Variants in ZNF804B observed in about 807,000 individuals in gnomAD.
ZNF804B encodes the protein zinc finger protein 804B, also known as zinc finger 804B.
A neutral mutation model predicts 101.4 loss-of-function variants in ZNF804B; 80 were observed. That is an observed-to-expected ratio of 0.79 (90% CI 0.66 to 0.95). The LOEUF (loss-of-function observed/expected upper bound fraction) is 0.95, where lower values mean the gene tolerates loss of function less well. Ranked by LOEUF, ZNF804B falls within the 40% of genes least tolerant of loss-of-function variation. The pLI, the probability that ZNF804B is intolerant of heterozygous loss-of-function variation, is 0.00. For missense variants in ZNF804B, 1,673 were observed against 1,561.9 expected, an observed-to-expected ratio of 1.07 and a Z score of -1.20; for synonymous variants, 622 against 558.8, an observed-to-expected ratio of 1.11 and a Z score of -1.59.
intron 1 of ZNF804B, among the ~76,000 whole-genome samples, chr7:89,205,989 T>C (rs1227783058): frequency 6.6e-6 from 1 of 152,170 alleles, no homozygotes; most frequent in African/African-American, 2.4e-5. Context: ...GGTTCCCAAA[T>C]CTCAATTCTT....
At chr7:88,817,239 G>A (rs1790896303) in intron 1 of ZNF804B, among the ~76,000 whole-genome samples, 1 of 152,150 alleles carries the variant, frequency 6.6e-6, no homozygotes, top group African/African-American at 2.4e-5. Context: ...TGTGGGATGG[G>A]GGGATGGGGG....
chr7:89,109,743 G>A (rs954372521), intron 1 of ZNF804B, among the ~76,000 whole-genome samples: 1 of 151,986 alleles, frequency 6.6e-6, no homozygotes, highest in African/African-American at 2.4e-5. Context: ...AAAATCAGTA[G>A]CACCTCTGAC....
chr7:88,834,232 A>G (rs1215028391), intron 1 of ZNF804B, among the ~76,000 whole-genome samples: 2 of 151,884 alleles, frequency 1.3e-5, no homozygotes, highest in African/African-American at 4.8e-5. Flanking sequence ...ATTTTAACCA[A>G]ATGTAATAAT....
intron 1 of ZNF804B, among the ~76,000 whole-genome samples, chr7:88,989,411 G>A (rs975382579): frequency 1.1e-4 from 17 of 152,030 alleles, no homozygotes; most frequent in Non-Finnish European, 2.4e-4. Context: ...AGCCACGTTG[G>A]CATCTTTGCA....
At chr7:89,233,278 G>A (rs1309810066) in intron 2 of ZNF804B, among the ~76,000 whole-genome samples, 3 of 152,154 alleles carry the variant, frequency 2.0e-5, no homozygotes, top group Admixed American at 2.0e-4. Flanking sequence ...TGAACCCTTA[G>A]AGTAACTGTT....
At chr7:89,113,348 C>T (rs1369649739) in intron 1 of ZNF804B, among the ~76,000 whole-genome samples, 1 of 151,962 alleles carries the variant, frequency 6.6e-6, no homozygotes, top group East Asian at 1.9e-4. Flanking sequence ...TGTAATAAAC[C>T]TGAACCTAAA....
intron 2 of ZNF804B, among the ~76,000 whole-genome samples, chr7:89,259,990 T>C (rs1789686514): frequency 7.2e-6 from 1 of 138,596 alleles, no homozygotes; most frequent in Admixed American, 7.2e-5. Flanking sequence ...GTCAAAAAAA[T>C]AAAAAGAGAG....
In ZNF804B at chr7:89,090,443, A is replaced by C. The variant is rs1789866397; in HGVS notation, c.109-127712A>C. Among the ~76,000 whole-genome samples the C allele has an allele frequency of 2.6e-5, 4 of 152,088 alleles. No individual in the cohort carries two copies. The South Asian group carries it at 8.3e-4, about 31-fold the overall frequency. On this transcript the variant is annotated intron_variant, in intron 1 of 3. Coordinates refer to ENST00000333190, the MANE Select transcript of ZNF804B (RefSeq NM_181646.5). ...TAGTTAGTTCCTCTTTATCTCCTAA[A>C]TAAATAGTACAATGTTTGGCACAAA...
chr7:89,234,141 G>C (rs912899110), intron 2 of ZNF804B, among the ~76,000 whole-genome samples: 1 of 152,132 alleles, frequency 6.6e-6, no homozygotes, highest in Admixed American at 6.5e-5. Flanking sequence ...TCCAAGATAA[G>C]CCTAGCTAAT....
intron 2 of ZNF804B, among the ~76,000 whole-genome samples, chr7:89,242,923 G>A (rs950328042): frequency 1.3e-5 from 2 of 151,754 alleles, no homozygotes. Flanking sequence ...AGGAAAACTA[G>A]TCTTCCAAAA....
chr7:89,038,350 A>G (rs1447613584), intron 1 of ZNF804B, among the ~76,000 whole-genome samples: 2 of 152,158 alleles, frequency 1.3e-5, no homozygotes, highest in Non-Finnish European at 2.9e-5. Flanking sequence ...TTTGATAAAA[A>G]ACATCAAAAC....
At chr7:88,991,792 C>T (rs1253728267) in intron 1 of ZNF804B, among the ~76,000 whole-genome samples, 3 of 152,136 alleles carry the variant, frequency 2.0e-5, no homozygotes, top group Admixed American at 1.3e-4. Flanking sequence ...AAGCTACATG[C>T]CAGAGCCTTG....
intron 1 of ZNF804B, among the ~76,000 whole-genome samples, chr7:89,195,981 A>C (rs1788544147): frequency 1.3e-5 from 2 of 152,176 alleles, no homozygotes; most frequent in African/African-American, 2.4e-5. Flanking sequence ...ATACTGCCCA[A>C]AGTAATTTAT....
chr7:89,214,766 A>G (rs758050157), intron 1 of ZNF804B, among the ~76,000 whole-genome samples: 1 of 152,190 alleles, frequency 6.6e-6, no homozygotes, highest in African/African-American at 2.4e-5. Context: ...TAAACTGTAA[A>G]CTAATGAGTG....
intron 3 of ZNF804B, among the ~76,000 whole-genome samples, chr7:89,327,765 T>C (rs1393670860): frequency 2.0e-5 from 3 of 152,088 alleles, no homozygotes; most frequent in South Asian, 4.1e-4. Context: ...CTTCTTAATA[T>C]ATTTTTTAAA....
In ZNF804B at chr7:89,336,498, A is replaced by G. The variant is rs779178108; in HGVS notation, c.3516A>G (p.Gln1172=). ...QLQAQQHMQK[Q]LLSKHLRVLP... ...AAGCCCAGCAGCATATGCAGAAGCA[A>G]CTCCTATCAAAGCATCTTCGAGTTT... is the stretch of plus-strand genomic sequence containing the variant. The change falls in exon 4 of 4, where the codon CAA becomes CAG. Residue 1172 remains glutamine (Q), a synonymous_variant. Transcript: ENST00000333190. The G allele has an allele frequency of 1.2e-6, 2 of 1,613,952 alleles. No homozygotes were observed. Among genetic ancestry groups the G allele is most frequent in the Non-Finnish European group, 1.7e-6 (2 of 1,179,974 alleles).
chr7:88,839,007 G>A (rs1248858636), intron 1 of ZNF804B, among the ~76,000 whole-genome samples: 1 of 151,954 alleles, frequency 6.6e-6, no homozygotes. Context: ...TACAATTACG[G>A]TTAACTGTAT....
At chr7:89,202,044 G>C (rs1421571097) in intron 1 of ZNF804B, among the ~76,000 whole-genome samples, 1 of 151,962 alleles carries the variant, frequency 6.6e-6, no homozygotes, top group Non-Finnish European at 1.5e-5. Context: ...TATCCTTGCA[G>C]GTGGTCTGTG....
At chr7:89,173,700 T>A (rs1584032337) in intron 1 of ZNF804B, among the ~76,000 whole-genome samples, 1 of 152,130 alleles carries the variant, frequency 6.6e-6, no homozygotes, top group South Asian at 2.1e-4. Context: ...TGAATCCACC[T>A]GTTATCTGTC....
Sources: gnomAD v4.1 joint callset for allele counts (sites outside exome capture counted in the v4.1 genomes callset) on GRCh38, gnomAD v4.1.1 for gene constraint, MANE v1.5 for transcripts, NCBI Gene and HGNC (gene_info 2026-07-23, HGNC 2026-07-21) for gene names.